Variants in NECAB3 observed in about 807,000 individuals in gnomAD.
NECAB3 encodes N-terminal EF-hand calcium-binding protein 3.
NECAB3 carries 38 observed loss-of-function variants against 57.2 expected under a neutral mutation model. That is an observed-to-expected ratio of 0.66 (90% CI 0.51 to 0.87). The LOEUF is 0.87. Ranked by LOEUF, NECAB3 falls within the 40% of genes least tolerant of loss-of-function variation. The probability of loss-of-function intolerance (pLI) is 0.00; values close to 1 mark genes in which losing one functional copy is unlikely to be tolerated. For missense variants in NECAB3, 474 were observed against 527.5 expected (o/e 0.90, Z 0.99); for synonymous variants, 223 against 222.6 (o/e 1.00, Z -0.02).
chr20:33,669,037 G>C lies in NECAB3; in HGVS notation c.387+338C>G, dbSNP rs762179989. 6.0e-5 allele frequency: 18 copies of C among 300,384 alleles called. 1 individual carries two copies. Among genetic ancestry groups the C allele is most frequent in the Non-Finnish European group, 1.1e-4 (17 of 159,404 alleles). 18.6% of individuals were successfully genotyped at this position (300,384 alleles called of 1,614,324 possible). A position where few individuals can be genotyped will look rare whatever the true frequency, so the allele number is the denominator to read the frequency against. On this transcript the variant is annotated intron_variant, in intron 5 of 11. Coordinates refer to ENST00000246190, the MANE Select transcript of NECAB3 (RefSeq NM_031232.4). The stretch of plus-strand genomic sequence containing the variant: ...AATGATATCCCACCACAGTTGTGAT[G>C]GGCCAGCAACTAAAGCAACAGCAGC...
chr20:33,663,604 G>A (rs1404195579), intron 5 of NECAB3: 1 of 1,610,962 alleles, frequency 6.2e-7, no homozygotes, highest in South Asian at 1.1e-5. Flanking sequence ...GATTGACTAC[G>A]CGTCCGGCGC....
chr20:33,672,389 C>T lies in NECAB3; in HGVS notation c.154+9G>A, dbSNP rs1251565134. 6.2e-7 allele frequency: 1 copy of T among 1,614,198 alleles called. No homozygotes were observed. The highest frequency in any genetic ancestry group is 8.5e-7 in the Non-Finnish European group (1 of 1,180,018). Reference sequence around the variant, plus strand: ...CCCCACTGTGGGACCCAGGGGAAGCCACACTCACCATTCTTGTCTGCTCTG... The same window carrying T: ...CCCCACTGTGGGACCCAGGGGAAGCTACACTCACCATTCTTGTCTGCTCTG... On this transcript the variant is annotated intron_variant, in intron 2 of 11. Transcript: ENST00000246190.
chr20:33,662,045 G>A (rs1299348797), intron 5 of NECAB3: 2 of 288,420 alleles, frequency 6.9e-6, no homozygotes, highest in East Asian at 7.6e-5. Context: ...CTGGGCTAAG[G>A]TCACATAGCA....
At chr20:33,663,680 G>A (rs1351437073) in intron 5 of NECAB3, 51 of 1,588,492 alleles carry the variant, frequency 3.2e-5, no homozygotes, top group Non-Finnish European at 4.3e-5. Flanking sequence ...CGCGAGCCGA[G>A]GATGCCGGTA....
intron 3 of NECAB3, among the ~76,000 whole-genome samples, chr20:33,669,974 G>A (rs2017793762): frequency 6.6e-6 from 1 of 152,240 alleles, no homozygotes. Flanking sequence ...GGGGAAGATG[G>A]ATGTGGACAC....
chr20:33,673,000 C>G (rs1247806924), intron 1 of NECAB3, among the ~76,000 whole-genome samples: 1 of 152,178 alleles, frequency 6.6e-6, no homozygotes, highest in Non-Finnish European at 1.5e-5. Flanking sequence ...TCTTTCAGGG[C>G]TGGGGCTTCC....
intron 5 of NECAB3, chr20:33,667,453 G>A (rs1381750851): frequency 1.3e-5 from 18 of 1,426,316 alleles, no homozygotes; most frequent in Non-Finnish European, 1.5e-5. Context: ...CCGCGAAAGG[G>A]TGGCGGAGCT....
rs369751777 is a variant in NECAB3, at chr20:33,669,466, A to T, written c.296T>A (p.Phe99Tyr). The T allele has an allele frequency of 6.2e-6, 10 of 1,613,480 alleles. No homozygotes were observed. Among genetic ancestry groups the T allele is most frequent in the African/African-American group, 1.3e-5 (1 of 74,900 alleles). ...CCGGTAGACACCCAGGTGCTCTGAG[A>T]AGTAGTCTGCAGGCAGAAGAGGTGC... ...NLETEKLCDY[F>Y]SEHLGVYRPV... is the part of the protein sequence containing the mutation. The change falls in exon 5 of 12, where the codon TTC becomes TAC. Residue 99 changes from phenylalanine to tyrosine, a missense_variant. Phe to Tyr is a conservative substitution (Grantham distance 22, BLOSUM62 3). Coordinates refer to ENST00000246190, the MANE Select transcript of NECAB3 (RefSeq NM_031232.4).
At chr20:33,663,641 G>A (rs746633278) in intron 5 of NECAB3, 2 of 1,605,756 alleles carry the variant, frequency 1.2e-6, no homozygotes, top group South Asian at 1.1e-5. Flanking sequence ...GCGGCACCCA[G>A]ATTGCGCGGA....
chr20:33,663,245 G>A (rs2017538229), intron 5 of NECAB3: 6 of 508,842 alleles, frequency 1.2e-5, no homozygotes, highest in African/African-American at 4.1e-5. Context: ...GGCCTGGAAG[G>A]GATCTCATAA....
At chr20:33,674,865 C>G (rs2017923434), upstream of NECAB3, 2 of 152,372 alleles carry the variant, frequency 1.3e-5, no homozygotes, top group South Asian at 4.1e-4. Context: ...CGACGCCCGC[C>G]CTCTCTGGCA....
At position 33,670,850 on chromosome 20, in the gene NECAB3, C is replaced by T. The variant is rs1167321605; in HGVS notation, c.155-58G>A. ...GAGGTATCCCTGACCCTGACTGCAC[C>T]CCTGCCACCAGGTCCAGGGTCCCAA... On this transcript the variant is annotated intron_variant, in intron 2 of 11. Coordinates refer to ENST00000246190, the MANE Select transcript of NECAB3 (RefSeq NM_031232.4). 125 of 1,313,586 alleles carry T rather than the reference C, an allele frequency of 9.5e-5. 2 individuals carry two copies. In the South Asian group the frequency reaches 1.5e-3, roughly 15 times the overall value. 81.4% of individuals were successfully genotyped at this position (1,313,586 alleles called of 1,614,324 possible).
intron 5 of NECAB3, chr20:33,668,068 G>A (rs755002329): frequency 2.5e-6 from 4 of 1,575,610 alleles, no homozygotes; most frequent in East Asian, 2.4e-5. Flanking sequence ...CCGGCGGCAC[G>A]GCTACGCGGC....
Position 33,660,065 on chromosome 20 carries a change from G to A in NECAB3, c.525-62C>T, listed in dbSNP as rs1384071125. 1 of 1,535,282 alleles carries A rather than the reference G, an allele frequency of 6.5e-7. No individual in the cohort carries two copies. Among genetic ancestry groups the A allele is most frequent in the Admixed American group, 2.0e-5 (1 of 49,428 alleles). ...GCCCCAGGACGGGATAAGCCTGGGT[G>A]GGGAAGACAAGCCTCCTGGGACTCC... On this transcript the variant is annotated intron_variant, in intron 6 of 11. Coordinates refer to ENST00000246190, the MANE Select transcript of NECAB3 (RefSeq NM_031232.4). This position sits in a 1 kb window ranked among gnomAD's most constrained non-coding sequence, Gnocchi z 4.1.
Position 33,670,915 on chromosome 20 carries a change from T to A in NECAB3, c.155-123A>T, listed in dbSNP as rs2017816449. On this transcript the variant is annotated intron_variant, in intron 2 of 11. Transcript: ENST00000246190. ...CTGACAACCATCTAGCTAGGTGAGATGGGAGTCTGAGGTCAGTGGGGGGCC... is the reference window on the plus strand; with the variant it reads ...CTGACAACCATCTAGCTAGGTGAGAAGGGAGTCTGAGGTCAGTGGGGGGCC... The A allele has an allele frequency of 6.0e-6, 4 of 661,984 alleles. No homozygotes were observed. The East Asian group carries it at 1.1e-4, about 18-fold the overall frequency. 41.0% of individuals were successfully genotyped at this position (661,984 alleles called of 1,614,324 possible).
chr20:33,663,065 T>TCCC (rs1013603528), intron 5 of NECAB3, among the ~76,000 whole-genome samples: 8 of 152,070 alleles, frequency 5.3e-5, no homozygotes. Flanking sequence ...CGGGTGGAGA[T>TCCC]CCCAACACGG....
At chr20:33,672,107 G>A in intron 2 of NECAB3, 2 of 497,864 alleles carry the variant, frequency 4.0e-6, no homozygotes, top group Non-Finnish European at 7.3e-6. Context: ...TGGTTGTGAG[G>A]ACAACAGAGG....
At chr20:33,667,257 G>T in intron 5 of NECAB3, 1 of 435,688 alleles carries the variant, frequency 2.3e-6, no homozygotes, top group Non-Finnish European at 3.9e-6. Context: ...GGCCGGTGCT[G>T]CCCGGAGCGC....
intron 5 of NECAB3, chr20:33,664,600 C>A: frequency 6.6e-6 from 1 of 152,660 alleles, no homozygotes. Flanking sequence ...CAACAGGTCT[C>A]CATTACCAAC....
Sources: allele counts gnomAD v4.1 joint callset (sites outside exome capture counted in the v4.1 genomes callset), GRCh38; gene constraint gnomAD v4.1.1; non-coding constraint Gnocchi (gnomAD v3.1); transcripts MANE v1.5; gene names NCBI Gene and HGNC (gene_info 2026-07-23, HGNC 2026-07-21).